The following TOPBP1 variants were observed in gnomAD, a reference collection of about 807,000 sequenced individuals.
TOPBP1 encodes the protein DNA topoisomerase II binding protein 1.
A neutral mutation model predicts 167.7 loss-of-function variants in TOPBP1; 28 were observed. The observed-to-expected ratio is 0.17, with a 90% CI of 0.12 to 0.23. TOPBP1 has a LOEUF of 0.23. TOPBP1 is among the 10% of genes least tolerant of loss of function. TOPBP1 has a pLI of 1.00. For missense variants in TOPBP1, 1,554 were observed against 1,809.6 expected (o/e 0.86, Z 2.56); for synonymous variants, 598 against 611.4 (o/e 0.98, Z 0.32).
chr3:133,628,560 C>T lies in TOPBP1; in HGVS notation c.2694G>A (p.Lys898=). The change falls in exon 15 of 28, where the codon AAG becomes AAA. Residue 898 remains lysine, a splice_region_variant and synonymous_variant. Coordinates refer to ENST00000260810, the MANE Select transcript of TOPBP1 (RefSeq NM_007027.4). ...CTTTTAATAAGAGAACTAATCCTAC[C>T]TTCTCTGACTGGGCCTCTTTCAGTT... ...SPQLKEAQSE[K]EEAPKPLHKV... is the part of the protein sequence containing the mutation. 1 of 1,610,654 alleles carries T rather than the reference C, an allele frequency of 6.2e-7. No individual in the cohort carries two copies. The highest frequency in any genetic ancestry group is 8.5e-7 in the Non-Finnish European group (1 of 1,178,402).
At chr3:133,616,735 G>T (rs1559810220) in intron 23 of TOPBP1, 79 bp downstream of exon 23, 2 of 775,400 alleles carry the variant, frequency 2.6e-6, no homozygotes, top group East Asian at 3.1e-5. Context: ...CTTTACAAAT[G>T]ATATTAATAT....
At position 133,620,247 on chromosome 3, in the gene TOPBP1, G is replaced by A. The variant is rs1935039423; in HGVS notation, c.3279C>T (p.Ser1093=). The A allele has an allele frequency of 6.2e-7, 1 of 1,613,928 alleles. No individual in the cohort carries two copies. Among genetic ancestry groups the A allele is most frequent in the South Asian group, 1.1e-5 (1 of 91,080 alleles). ...CGCTGTTACAACCACTTCTTGAAAG[G>A]GAAGTCCTCTGCCCTTGGGGTTTCA... ...SIVKPQGQRT[S]LSRSGCNSAS... The change falls in exon 20 of 28, where the codon TCC becomes TCT. Residue 1093 remains serine, a synonymous_variant. Transcript: ENST00000260810.
At chr3:133,621,565 T>G (rs1254568169) in intron 19 of TOPBP1, among the ~76,000 whole-genome samples, 1 of 152,232 alleles carries the variant, frequency 6.6e-6, no homozygotes, top group Non-Finnish European at 1.5e-5. Flanking sequence ...TTGGTTAAAT[T>G]CAAATCCTAT....
rs148763412 is a variant in TOPBP1 at position 133,630,973 on chromosome 3, C to T, written c.2521-2240G>A. Among the ~76,000 whole-genome samples, 143 of 152,264 alleles carry T rather than the reference C, an allele frequency of 9.4e-4. 2 individuals are homozygous for T. The highest frequency in any genetic ancestry group is 3.2e-3 in the African/African-American group (133 of 41,558). Reference sequence around the variant, plus strand: ...ACTTTGGGAGGCCAAGGCAGAACTGCCTGAGCCCAGGAGTTCTAGACCAGC... The same window carrying T: ...ACTTTGGGAGGCCAAGGCAGAACTGTCTGAGCCCAGGAGTTCTAGACCAGC... On this transcript the variant is annotated intron_variant, in intron 14 of 27. Transcript: ENST00000260810.
chr3:133,632,559 A>T (rs1441534353), intron 14 of TOPBP1, among the ~76,000 whole-genome samples: 2 of 152,186 alleles, frequency 1.3e-5, no homozygotes, highest in African/African-American at 2.4e-5. Context: ...TAAACTTTTT[A>T]AAATTTCTTC....
At chr3:133,604,590 T>G (rs1003766166) in intron 27 of TOPBP1, among the ~76,000 whole-genome samples, 1 of 151,840 alleles carries the variant, frequency 6.6e-6, no homozygotes, top group Middle Eastern at 3.2e-3. Flanking sequence ...AAGCGCTGTA[T>G]CTAGTAAAGA....
At chr3:133,634,912 G>A (rs1215729992) in intron 14 of TOPBP1, among the ~76,000 whole-genome samples, 4 of 152,146 alleles carry the variant, frequency 2.6e-5, no homozygotes, top group Non-Finnish European at 4.4e-5. Flanking sequence ...AGACCAAAAC[G>A]AGGGTGGGGT....
intron 21 of TOPBP1, 194 bp from the exon 22 acceptor site, chr3:133,617,520 C>A (rs1934940501): frequency 6.2e-6 from 3 of 481,764 alleles, no homozygotes; most frequent in Middle Eastern, 5.8e-4. Context: ...ACAATAATAA[C>A]AATAAAGAAA....
intron 10 of TOPBP1, among the ~76,000 whole-genome samples, chr3:133,646,520 G>A (rs951209217): frequency 6.6e-6 from 1 of 151,880 alleles, no homozygotes; most frequent in African/African-American, 2.4e-5. Context: ...GCGTGGTGGT[G>A]CACACCTGTA....
chr3:133,652,375 C>T, intron 8 of TOPBP1, 88 bp downstream of exon 8: 1 of 1,431,872 alleles, frequency 7.0e-7, no homozygotes. Flanking sequence ...TAGTAAGGAG[C>T]AAGCCCAACT....
In TOPBP1 at chr3:133,617,297, T is replaced by A. The variant is rs1934928629; in HGVS notation, c.3622A>T (p.Thr1208Ser). The change falls in exon 22 of 28, where the codon ACT becomes TCT. Residue 1208 changes from threonine (T) to serine (S), a missense_variant. Physicochemically the swap from Thr to Ser is moderately conservative, Grantham distance 58 (BLOSUM62 1). This residue lies in a region of TOPBP1 where 351 missense variants were observed against 432.9 expected (regional missense o/e 0.81). Transcript: ENST00000260810. ...GAGATTGGGTGTTTGGGAGCTTCAG[T>A]CACACGTATGTTTCCAGGATCACAG... is the stretch of plus-strand genomic sequence containing the variant. ...AVCDPGNIRV[T>S]EAPKHPISEE... 1 of 1,612,884 alleles carries A rather than the reference T, an allele frequency of 6.2e-7. No homozygotes were observed.
Position 133,661,054 on chromosome 3 carries a change from T to G in TOPBP1, c.74A>C (p.Lys25Thr), listed in dbSNP as rs1204511503. The G allele has an allele frequency of 6.3e-7, 1 of 1,586,226 alleles. No homozygotes were observed. Among genetic ancestry groups the G allele is most frequent in the African/African-American group, 1.4e-5 (1 of 73,432 alleles). Reference protein sequence around the residue: ...KSSDNSKCFFKALESIKEFQS... With the variant: ...KSSDNSKCFFTALESIKEFQS... ...GTTTTCAACTCTTACCTCGAGAGCT[T>G]TAAAAAAACATTTGGAATTGTCTGA... is the stretch of plus-strand genomic sequence containing the variant. Residue 25 changes from lysine to threonine, a missense_variant, in exon 2 of 28, where the codon AAA becomes ACA. Lys to Thr is a moderately conservative substitution (Grantham distance 78, BLOSUM62 -1). Transcript: ENST00000260810.
rs138004807 is a variant in TOPBP1 at position 133,618,868 on chromosome 3, T to C, written c.3372-435A>G. Among the ~76,000 whole-genome samples, 309 of 152,166 alleles carry C rather than the reference T, an allele frequency of 2.0e-3. 2 individuals are homozygous for C. Among genetic ancestry groups the C allele is most frequent in the African/African-American group, 7.0e-3 (291 of 41,530 alleles). On this transcript the variant is annotated intron_variant, in intron 20 of 27. Coordinates refer to ENST00000260810, the MANE Select transcript of TOPBP1 (RefSeq NM_007027.4). ...TAATTACTTGAAATTATAAGCACTA[T>C]GATTACATGGGAGGCTTGCTGTAAA...
intron 10 of TOPBP1, among the ~76,000 whole-genome samples, chr3:133,646,073 G>T (rs762609940): frequency 2.6e-5 from 4 of 151,840 alleles, no homozygotes; most frequent in Non-Finnish European, 4.4e-5. Context: ...CTTGAACCCA[G>T]AAGGCAGAGG....
At chr3:133,616,426 C>T (rs533373309) in intron 23 of TOPBP1, among the ~76,000 whole-genome samples, 1 of 152,242 alleles carries the variant, frequency 6.6e-6, no homozygotes, top group African/African-American at 2.4e-5. Context: ...CTGGCCTCCA[C>T]ACTGTTTCTA....
intron 8 of TOPBP1, among the ~76,000 whole-genome samples, chr3:133,651,129 T>C (rs1469061619): frequency 8.1e-6 from 1 of 123,094 alleles, no homozygotes; most frequent in Non-Finnish European, 1.7e-5. Flanking sequence ...CTTTTGTAAG[T>C]TGGCAAGTTT....
intron 23 of TOPBP1, among the ~76,000 whole-genome samples, chr3:133,613,831 G>T (rs557433957): frequency 6.7e-6 from 1 of 149,840 alleles, no homozygotes; most frequent in African/African-American, 2.5e-5. Flanking sequence ...TGTCACCCAG[G>T]CTGGAGTGCA....
chr3:133,619,240 A>G (rs1017044337), intron 20 of TOPBP1, among the ~76,000 whole-genome samples: 3 of 152,082 alleles, frequency 2.0e-5, no homozygotes, highest in South Asian at 2.1e-4. Context: ...TTCTCACACT[A>G]TATTTATTTA....
intron 27 of TOPBP1, among the ~76,000 whole-genome samples, chr3:133,606,316 CA>C (rs756075623): frequency 4.0e-5 from 6 of 151,836 alleles, no homozygotes; most frequent in Non-Finnish European, 5.9e-5. Flanking sequence ...ATAAATTTAA[CA>C]AAAGATAGGT....
Sources: gnomAD v4.1 joint callset for allele counts (sites outside exome capture counted in the v4.1 genomes callset) on GRCh38, gnomAD v4.1.1 for gene constraint, gnomAD v4.1.1 regional missense constraint, MANE v1.5 for transcripts, NCBI Gene and HGNC (gene_info 2026-07-23, HGNC 2026-07-21) for gene names.